The following TENM3 variants were observed in gnomAD, a reference collection of about 807,000 sequenced individuals.
The protein encoded by TENM3 is teneurin transmembrane protein 3, also known as teneurin-3.
Under a neutral mutation model 255.1 loss-of-function variants are expected in TENM3, and 63 were observed. The ratio of observed to expected loss-of-function variants is 0.25; its 90% CI spans 0.20 to 0.30. TENM3 has a LOEUF of 0.30. Among genes scored for constraint, TENM3 ranks in the 10% least tolerant of loss-of-function variants. The probability of loss-of-function intolerance (pLI) is 1.00; values close to 1 mark genes in which losing one functional copy is unlikely to be tolerated. For missense variants in TENM3, 2,929 were observed against 3,461.1 expected, an observed-to-expected ratio of 0.85 and a Z score of 3.86; for synonymous variants, 1,306 against 1,322.3, an observed-to-expected ratio of 0.99 and a Z score of 0.27.
chr4:182,739,191 A>G (rs1761415523), intron 18 of TENM3, among the ~76,000 whole-genome samples: 1 of 152,202 alleles, frequency 6.6e-6, no homozygotes, highest in Non-Finnish European at 1.5e-5. Flanking sequence ...CGTTCCTAGG[A>G]GTAGACCTGA....
chr4:182,159,897 CGA>C (rs555510991), intron 1 of TENM3, among the ~76,000 whole-genome samples: 169 of 152,244 alleles, frequency 1.1e-3, no homozygotes, highest in African/African-American at 3.6e-3. Flanking sequence ...TTTGACATTT[CGA>C]GAGAGAGAAA....
chr4:182,049,266 A>G, the TENM3 span, among the ~76,000 whole-genome samples: 1 of 152,204 alleles, frequency 6.6e-6, no homozygotes, highest in Non-Finnish European at 1.5e-5. Flanking sequence ...ATAAAGTGCA[A>G]TAGGCCTTTA....
chr4:182,361,499 C>T (rs1765976188), intron 3 of TENM3, among the ~76,000 whole-genome samples: 1 of 152,178 alleles, frequency 6.6e-6, no homozygotes, highest in Non-Finnish European at 1.5e-5. Context: ...CCCTTTCTTC[C>T]AGTTGATCGC....
chr4:181,458,457 C>T, the TENM3 span, among the ~76,000 whole-genome samples: 1 of 151,874 alleles, frequency 6.6e-6, no homozygotes, highest in African/African-American at 2.4e-5. Context: ...TTGGGTGAAA[C>T]GTCCTCTTGG....
chr4:182,174,933 C>A (rs1752361326), intron 1 of TENM3, among the ~76,000 whole-genome samples: 1 of 122,990 alleles, frequency 8.1e-6, no homozygotes, highest in Non-Finnish European at 1.8e-5. Context: ...TTGATATTTT[C>A]ATTATTTCAA....
the TENM3 span, among the ~76,000 whole-genome samples, chr4:181,919,607 A>T: frequency 6.6e-6 from 1 of 152,074 alleles, no homozygotes; most frequent in Non-Finnish European, 1.5e-5. Context: ...GGAGAAGGAA[A>T]TGATGACGTT....
the TENM3 span, among the ~76,000 whole-genome samples, chr4:181,950,219 A>AC: frequency 3.3e-5 from 5 of 149,818 alleles, no homozygotes; most frequent in African/African-American, 7.4e-5. Flanking sequence ...GCACCTTACG[A>AC]CCCCCACTCT....
At chr4:182,213,957 A>T (rs941043195) in intron 1 of TENM3, among the ~76,000 whole-genome samples, 1 of 151,726 alleles carries the variant, frequency 6.6e-6, no homozygotes, top group South Asian at 2.1e-4. Flanking sequence ...GCCCGCCACC[A>T]CGCCTGGCTA....
the TENM3 span, among the ~76,000 whole-genome samples, chr4:181,810,922 A>G: frequency 2.0e-5 from 3 of 152,130 alleles, no homozygotes; most frequent in Non-Finnish European, 4.4e-5. Flanking sequence ...GGGTGACTAC[A>G]TGGAAATATC....
At chr4:181,999,756 T>A in the TENM3 span, among the ~76,000 whole-genome samples, 1 of 152,150 alleles carries the variant, frequency 6.6e-6, no homozygotes, top group East Asian at 1.9e-4. Context: ...CTAATGAAGA[T>A]GTTTTGTTAT....
chr4:182,206,677 AG>A lies in TENM3; in HGVS notation c.-76+61925del, dbSNP rs1754602480. 1.3e-5 allele frequency among the ~76,000 whole-genome samples: 2 copies of A among 152,176 alleles called. 1 individual carries two copies. The highest frequency in any genetic ancestry group is 4.1e-4 in the South Asian group (2 of 4,832). On this transcript the variant is annotated intron_variant, in intron 1 of 2. Transcript: ENST00000512480. ...TGTCAGTTACTTGTGCTAAAAAATA[AG>A]GTGGTTTCTATTCTTTTCTTCCTCC...
chr4:182,056,784 C>G, the TENM3 span, among the ~76,000 whole-genome samples: 1 of 151,746 alleles, frequency 6.6e-6, no homozygotes, highest in Non-Finnish European at 1.5e-5. Context: ...AGCAAAGAAA[C>G]ATTTATTCAA....
the TENM3 span, among the ~76,000 whole-genome samples, chr4:181,860,585 A>AT: frequency 6.6e-6 from 1 of 152,050 alleles, no homozygotes; most frequent in Non-Finnish European, 1.5e-5. Context: ...TCCATCTTTT[A>AT]TTTTTTTCAT....
the TENM3 span, among the ~76,000 whole-genome samples, chr4:181,706,784 AG>A: frequency 6.6e-6 from 1 of 152,228 alleles, no homozygotes; most frequent in African/African-American, 2.4e-5. Context: ...AAGAAGTAAT[AG>A]GGGAGAAATG....
At chr4:181,704,693 T>A in the TENM3 span, among the ~76,000 whole-genome samples, 5 of 152,124 alleles carry the variant, frequency 3.3e-5, no homozygotes, top group Non-Finnish European at 7.4e-5. Context: ...TCTTTCTGCA[T>A]ATTCCTACAT....
chr4:182,783,481 C>A (rs889813157), intron 24 of TENM3, among the ~76,000 whole-genome samples: 13 of 152,072 alleles, frequency 8.5e-5, no homozygotes, highest in African/African-American at 1.7e-4. Context: ...CTCTGGCTGC[C>A]CTTAACATTT....
chr4:182,558,184 T>C (rs1742766503), intron 3 of TENM3, among the ~76,000 whole-genome samples: 1 of 152,200 alleles, frequency 6.6e-6, no homozygotes, highest in Non-Finnish European at 1.5e-5. Flanking sequence ...GCCCTGCCAG[T>C]GCGTGCCTGT....
chr4:181,752,784 GA>G, the TENM3 span, among the ~76,000 whole-genome samples: 6 of 138,282 alleles, frequency 4.3e-5, no homozygotes, highest in Non-Finnish European at 6.3e-5. Flanking sequence ...TTCCGAAATA[GA>G]AAAAAAAATA....
At chr4:181,849,242 A>G in the TENM3 span, among the ~76,000 whole-genome samples, 1 of 152,234 alleles carries the variant, frequency 6.6e-6, no homozygotes, top group Non-Finnish European at 1.5e-5. Flanking sequence ...TGAAATGGCT[A>G]TATAAATCAG....
Sources: gnomAD v4.1 joint callset for allele counts (sites outside exome capture counted in the v4.1 genomes callset) on GRCh38, gnomAD v4.1.1 for gene constraint, MANE v1.5 for transcripts, NCBI Gene and HGNC (gene_info 2026-07-23, HGNC 2026-07-21) for gene names.